The following ALDH1L2 variants were observed in gnomAD, a reference collection of about 807,000 sequenced individuals.
The protein encoded by ALDH1L2 is mitochondrial 10-formyltetrahydrofolate dehydrogenase.
A neutral mutation model predicts 111.0 loss-of-function variants in ALDH1L2; 91 were observed. The ratio of observed to expected loss-of-function variants is 0.82; its 90% CI spans 0.69 to 0.98. ALDH1L2 has a LOEUF of 0.98. ALDH1L2 is among the 50% of genes least tolerant of loss of function. The probability of loss-of-function intolerance (pLI) is 0.00; values close to 1 mark genes in which losing one functional copy is unlikely to be tolerated. For synonymous variants in ALDH1L2, 374 were observed against 392.6 expected (o/e 0.95, Z 0.56); for missense variants, 995 against 1,126.8 (o/e 0.88, Z 1.67).
At chr12:105,040,545 G>T in intron 16 of ALDH1L2, 62 bp downstream of exon 16, 1 of 1,465,162 alleles carries the variant, frequency 6.8e-7, no homozygotes, top group Non-Finnish European at 9.6e-7. Context: ...AGGTAAAAGA[G>T]CCACTCAGCT....
intron 22 of ALDH1L2, among the ~76,000 whole-genome samples, chr12:105,026,342 A>T (rs1565947285): frequency 6.6e-6 from 1 of 152,234 alleles, no homozygotes; most frequent in South Asian, 2.1e-4. Flanking sequence ...ATATCTTTCC[A>T]CACAATGTGT....
Position 105,035,839 on chromosome 12 carries a change from A to ATATG in ALDH1L2, c.2146-1442_2146-1441insCATA, listed in dbSNP as rs1555224201. Among the ~76,000 whole-genome samples, 69 of 100,206 alleles carry ATATG rather than the reference A, an allele frequency of 6.9e-4. 5 individuals are homozygous for ATATG. The highest frequency in any genetic ancestry group is 4.3e-3 in the Admixed American group (45 of 10,384). 65.7% of individuals were successfully genotyped at this position (100,206 alleles called of 152,430 possible). A position where few individuals can be genotyped will look rare whatever the true frequency, so the allele number is the denominator to read the frequency against. On this transcript the variant is annotated intron_variant, in intron 18 of 22. Transcript: ENST00000258494. ...ATATAGTGTGTCTATATATATATAT[A>ATATG]TGTGTGTGTGTGTGTGTGTGTGTGT...
chr12:105,077,740 A>T (rs558701983), intron 1 of ALDH1L2, among the ~76,000 whole-genome samples: 40 of 74,368 alleles, frequency 5.4e-4, no homozygotes, highest in African/African-American at 2.0e-3. Flanking sequence ...TCCAAGAATT[A>T]AAAAAAAAAA....
At chr12:105,049,142 C>A (rs181555620) in intron 13 of ALDH1L2, among the ~76,000 whole-genome samples, 23 of 152,194 alleles carry the variant, frequency 1.5e-4, no homozygotes, top group African/African-American at 5.3e-4. Context: ...GCTCTCTGGC[C>A]TCTGTAGGTA....
intron 1 of ALDH1L2, among the ~76,000 whole-genome samples, chr12:105,081,562 A>G (rs1269042103): frequency 6.6e-6 from 1 of 152,234 alleles, no homozygotes; most frequent in African/African-American, 2.4e-5. Flanking sequence ...AGGAATGTCA[A>G]TGAATAGAGG....
chr12:105,052,078 A>C lies in ALDH1L2; in HGVS notation c.1535+12T>G. 1 of 1,573,670 alleles carries C rather than the reference A, an allele frequency of 6.4e-7. No homozygotes were observed. Among genetic ancestry groups the C allele is most frequent in the Non-Finnish European group, 8.6e-7 (1 of 1,165,686 alleles). The stretch of plus-strand genomic sequence containing the variant: ...CTTTTCTAAAAAATAAAAAAATAAA[A>C]AATAGAAATACCTATACATCAATCT... On this transcript the variant is annotated intron_variant, in intron 12 of 22. Transcript: ENST00000258494.
chr12:105,026,061 C>T (rs549761987), intron 22 of ALDH1L2, among the ~76,000 whole-genome samples: 7 of 152,280 alleles, frequency 4.6e-5, no homozygotes, highest in Admixed American at 1.3e-4. Context: ...ACTCTTAAGT[C>T]TCATTGCTCA....
chr12:105,030,237 C>G, intron 21 of ALDH1L2, 87 bp downstream of exon 21: 3 of 802,368 alleles, frequency 3.7e-6, no homozygotes, highest in Non-Finnish European at 5.6e-6. Context: ...GTTCATTAAT[C>G]TTATGCTGTG....
At chr12:105,026,181 C>T (rs1874398507) in intron 22 of ALDH1L2, among the ~76,000 whole-genome samples, 1 of 152,166 alleles carries the variant, frequency 6.6e-6, no homozygotes, top group Non-Finnish European at 1.5e-5. Context: ...TTATTGCTCT[C>T]CACCCATTTG....
chr12:105,062,538 C>A (rs1277305910), intron 7 of ALDH1L2, among the ~76,000 whole-genome samples: 1 of 152,202 alleles, frequency 6.6e-6, no homozygotes, highest in Non-Finnish European at 1.5e-5. Context: ...ATCTATTTCA[C>A]TTGATCCTCC....
At chr12:105,026,450 G>A (rs1874412904) in intron 22 of ALDH1L2, 95 bp downstream of exon 22, 1 of 1,406,878 alleles carries the variant, frequency 7.1e-7, no homozygotes, top group African/African-American at 1.4e-5. Context: ...TGTAGGAAAT[G>A]CCCCTCAAAG....
intron 10 of ALDH1L2, among the ~76,000 whole-genome samples, chr12:105,054,489 A>G (rs949217811): frequency 2.0e-5 from 3 of 152,346 alleles, no homozygotes; most frequent in African/African-American, 7.2e-5. Context: ...CCTTATTCCC[A>G]TCTTTCTCAA....
intron 15 of ALDH1L2, among the ~76,000 whole-genome samples, chr12:105,045,039 C>G (rs1056811400): frequency 2.6e-5 from 4 of 152,144 alleles, no homozygotes; most frequent in African/African-American, 9.7e-5. Context: ...CAATACTGCA[C>G]AGAGGACCTC....
chr12:105,026,511 A>G (rs1485533621), intron 22 of ALDH1L2, 34 bp downstream of exon 22: 1 of 1,611,700 alleles, frequency 6.2e-7, no homozygotes, highest in Non-Finnish European at 8.5e-7. Flanking sequence ...ATGTGACAAC[A>G]AAGGGAAGGT....
chr12:105,054,561 C>T (rs1017839368), intron 10 of ALDH1L2, among the ~76,000 whole-genome samples: 1 of 152,196 alleles, frequency 6.6e-6, no homozygotes. Context: ...TGAAAACCAG[C>T]AGCCTAGTAG....
At chr12:105,042,704 C>T (rs960640096) in intron 15 of ALDH1L2, among the ~76,000 whole-genome samples, 1 of 152,166 alleles carries the variant, frequency 6.6e-6, no homozygotes, top group Non-Finnish European at 1.5e-5. Flanking sequence ...CCCCATTCAT[C>T]CCATGTTCTA....
Position 105,024,478 on chromosome 12 carries a change from A to C in ALDH1L2, c.2718T>G (p.Gly906=). Reference sequence around the variant, plus strand: ...TGAGATATTCATTTAGAGCTTCCTCACCTAGGGAAGAGAAAAGCAGTTGAC... The same window carrying C: ...TGAGATATTCATTTAGAGCTTCCTCCCCTAGGGAAGAGAAAAGCAGTTGAC... ...VKQSGFGKDL[G]EEALNEYLKT... is the part of the protein sequence containing the mutation. The change falls in exon 23 of 23, where the codon GGT becomes GGG. Residue 906 remains glycine (G), a splice_region_variant and synonymous_variant. Coordinates refer to ENST00000258494, the MANE Select transcript of ALDH1L2 (RefSeq NM_001034173.4). 1 of 1,613,948 alleles carries C rather than the reference A, an allele frequency of 6.2e-7. No individual in the cohort carries two copies. Among genetic ancestry groups the C allele is most frequent in the Non-Finnish European group, 8.5e-7 (1 of 1,179,906 alleles).
rs1182802302 is a variant in ALDH1L2 at position 105,036,514 on chromosome 12, TTATATATATATATATATATATATATA to T, written c.2145+1563_2145+1588del. Among the ~76,000 whole-genome samples the T allele has an allele frequency of 6.6e-3, 156 of 23,662 alleles. 12 individuals carry two copies. Among genetic ancestry groups the T allele is most frequent in the Middle Eastern group, 0.024 (1 of 42 alleles). 15.5% of individuals were successfully genotyped at this position (23,662 alleles called of 152,430 possible). ...ATATTTATATATGTATATATATATTTTATATATATATATATATATATATATATATATATATATATATATATATATAT... is the reference window on the plus strand; with the variant it reads ...ATATTTATATATGTATATATATATTTTATATATATATATATATATATATAT... On this transcript the variant is annotated intron_variant, in intron 18 of 22. Transcript: ENST00000258494.
At chr12:105,059,095 C>T (rs753897300) in intron 9 of ALDH1L2, among the ~76,000 whole-genome samples, 57 of 151,910 alleles carry the variant, frequency 3.8e-4, no homozygotes, top group Middle Eastern at 3.4e-3. Context: ...GGTGAAACCC[C>T]GTCTCTCCTA....
Sources: allele counts gnomAD v4.1 joint callset (sites outside exome capture counted in the v4.1 genomes callset), GRCh38; gene constraint gnomAD v4.1.1; transcripts MANE v1.5; gene names NCBI Gene and HGNC (gene_info 2026-07-23, HGNC 2026-07-21).